The following TLL1 variants were observed in gnomAD, a reference collection of about 807,000 sequenced individuals.
TLL1 encodes the protein tolloid-like protein 1.
A neutral mutation model predicts 128.2 loss-of-function variants in TLL1; 49 were observed. That is an observed-to-expected ratio of 0.38 (90% CI 0.30 to 0.48). The LOEUF (loss-of-function observed/expected upper bound fraction) is 0.48. Ranked by LOEUF, TLL1 falls within the 20% of genes least tolerant of loss-of-function variation. The pLI is 0.96. For missense variants in TLL1, 1,123 were observed against 1,242.0 expected (o/e 0.90, Z 1.44); for synonymous variants, 454 against 418.8 (o/e 1.08, Z -1.03).
rs148517358 is a variant in TLL1, at chr4:165,988,583, C to T, written c.170-798C>T. Among the ~76,000 whole-genome samples the T allele has an allele frequency of 2.2e-3, 336 of 152,092 alleles. 1 individual carries two copies. Among genetic ancestry groups the T allele is most frequent in the African/African-American group, 7.0e-3 (289 of 41,518 alleles). ...GGTTCAGGTTAAGTCTACAGTGAGCCGTGATCGCACCACTGCACTCCAGCC... is the reference window on the plus strand; with the variant it reads ...GGTTCAGGTTAAGTCTACAGTGAGCTGTGATCGCACCACTGCACTCCAGCC... On this transcript the variant is annotated intron_variant, in intron 1 of 20. Coordinates refer to ENST00000061240, the MANE Select transcript of TLL1 (RefSeq NM_012464.5).
chr4:165,953,627 CAT>C lies in TLL1; in HGVS notation c.170-35734_170-35733del, dbSNP rs55874624. ...GAGATAGGTCATCTATTTGCTCTGT[CAT>C]ATATATATATATATATATAAATATT... On this transcript the variant is annotated intron_variant, in intron 1 of 20. Coordinates refer to ENST00000061240, the MANE Select transcript of TLL1 (RefSeq NM_012464.5). Among the ~76,000 whole-genome samples the C allele has an allele frequency of 7.3e-3, 1,076 of 146,554 alleles. 9 individuals are homozygous for C. The highest frequency in any genetic ancestry group is 0.022 in the African/African-American group (897 of 40,246).
chr4:166,084,248 T>C (rs776536176), intron 18 of TLL1, among the ~76,000 whole-genome samples: 7 of 152,096 alleles, frequency 4.6e-5, no homozygotes, highest in Non-Finnish European at 7.4e-5. Context: ...TCCTTGTTAT[T>C]GAGTTGTTTG....
chr4:165,976,975 A>G (rs1735913210), intron 1 of TLL1, among the ~76,000 whole-genome samples: 1 of 152,170 alleles, frequency 6.6e-6, no homozygotes, highest in African/African-American at 2.4e-5. Flanking sequence ...TGTGTGACCC[A>G]AGACAGTTCT....
chr4:166,011,221 G>T lies in TLL1; in HGVS notation c.917+3173G>T, dbSNP rs112921895. ...AAATGTTGGGATTCTGATAGAAATT[G>T]CATTGAATCTGTAGATCACTTTGGA... is the stretch of plus-strand genomic sequence containing the variant. On this transcript the variant is annotated intron_variant, in intron 7 of 20. Coordinates refer to ENST00000061240, the MANE Select transcript of TLL1 (RefSeq NM_012464.5). Among the ~76,000 whole-genome samples the T allele has an allele frequency of 5.0e-3, 755 of 151,478 alleles. 8 individuals are homozygous for T. The highest frequency in any genetic ancestry group is 0.017 in the African/African-American group (690 of 41,480).
chr4:166,043,284 A>G lies in TLL1; in HGVS notation c.1389A>G (p.Gly463=). The change falls in exon 12 of 21, where the codon GGA becomes GGG. Residue 463 remains glycine (G), a synonymous_variant. Coordinates refer to ENST00000061240, the MANE Select transcript of TLL1 (RefSeq NM_012464.5). ...GFAAVYEAIC[G]GEIRKNEGQI... ...TTTGGCTTTCTTCAGCGATCTGTGG[A>G]GGTGAGATACGTAAAAATGAAGGAC... 1 of 1,614,094 alleles carries G rather than the reference A, an allele frequency of 6.2e-7. No homozygotes were observed. The highest frequency in any genetic ancestry group is 8.5e-7 in the Non-Finnish European group (1 of 1,179,982).
chr4:166,008,946 A>T (rs181956477), intron 7 of TLL1, among the ~76,000 whole-genome samples: 461 of 151,604 alleles, frequency 3.0e-3, no homozygotes, highest in Middle Eastern at 6.8e-3. Flanking sequence ...AAGGGTGTGT[A>T]AATGAAACCT....
chr4:165,983,865 A>G (rs772605523), intron 1 of TLL1, among the ~76,000 whole-genome samples: 8 of 151,904 alleles, frequency 5.3e-5, no homozygotes, highest in Non-Finnish European at 8.8e-5. Context: ...GGTAAAAATC[A>G]GGTTACCTAG....
At chr4:165,951,334 G>A (rs1217638674) in intron 1 of TLL1, among the ~76,000 whole-genome samples, 1 of 152,142 alleles carries the variant, frequency 6.6e-6, no homozygotes, top group African/African-American at 2.4e-5. Flanking sequence ...ATAGTGGCCA[G>A]ATGATGTCTG....
At chr4:166,039,556 T>G in intron 10 of TLL1, 115 bp downstream of exon 10, 1 of 743,342 alleles carries the variant, frequency 1.3e-6, no homozygotes, top group Non-Finnish European at 2.3e-6. Context: ...ACTAACATTA[T>G]TTTTATGTTA....
intron 18 of TLL1, among the ~76,000 whole-genome samples, chr4:166,081,360 T>C (rs1317835638): frequency 1.3e-5 from 2 of 152,194 alleles, no homozygotes; most frequent in African/African-American, 4.8e-5. Context: ...ACAATGAGGC[T>C]TCAGACTTTT....
At chr4:165,982,392 G>A (rs1279740540) in intron 1 of TLL1, among the ~76,000 whole-genome samples, 1 of 151,800 alleles carries the variant, frequency 6.6e-6, no homozygotes, top group Non-Finnish European at 1.5e-5. Context: ...ATTGTTTAAG[G>A]TCTCTAAGAC....
chr4:166,097,356 C>T (rs1009009279), intron 19 of TLL1, among the ~76,000 whole-genome samples: 1 of 152,056 alleles, frequency 6.6e-6, no homozygotes, highest in Non-Finnish European at 1.5e-5. Flanking sequence ...AATATTTCCT[C>T]ACATAAATAC....
chr4:165,923,134 C>T (rs754442551), intron 1 of TLL1, among the ~76,000 whole-genome samples: 1 of 152,078 alleles, frequency 6.6e-6, no homozygotes, highest in Non-Finnish European at 1.5e-5. Flanking sequence ...AACTTCTGCA[C>T]ATAAATAAAC....
At chr4:166,085,123 G>A (rs961124629) in intron 18 of TLL1, among the ~76,000 whole-genome samples, 1 of 151,670 alleles carries the variant, frequency 6.6e-6, no homozygotes, top group East Asian at 1.9e-4. Context: ...TTTGCCTATT[G>A]ATTTTATATC....
At chr4:165,970,568 A>G (rs1735585682) in intron 1 of TLL1, among the ~76,000 whole-genome samples, 1 of 152,222 alleles carries the variant, frequency 6.6e-6, no homozygotes, top group South Asian at 2.1e-4. Context: ...CATTTAAAAT[A>G]GACATTATTC....
intron 6 of TLL1, among the ~76,000 whole-genome samples, chr4:166,007,560 A>G (rs1231225975): frequency 6.6e-6 from 1 of 151,698 alleles, no homozygotes; most frequent in Non-Finnish European, 1.5e-5. Context: ...TATGACCTGG[A>G]AAACCTAGTC....
chr4:165,936,208 T>TA (rs1378597046), intron 1 of TLL1, among the ~76,000 whole-genome samples: 2,928 of 136,602 alleles, frequency 0.021, 98 homozygotes, highest in African/African-American at 0.078. Flanking sequence ...ATATATATAT[T>TA]TTTTTTTCTT....
At chr4:165,989,331 T>A in intron 1 of TLL1, 50 bp from the exon 2 acceptor site, 1 of 1,344,360 alleles carries the variant, frequency 7.4e-7, no homozygotes, top group Non-Finnish European at 1.1e-6. Flanking sequence ...TTTGTGTGTA[T>A]TGATTTCACG....
intron 8 of TLL1, among the ~76,000 whole-genome samples, chr4:166,022,997 A>C (rs1184719983): frequency 6.6e-6 from 1 of 152,220 alleles, no homozygotes; most frequent in Non-Finnish European, 1.5e-5. Context: ...AAGAAACACC[A>C]TTGTGAAGTT....
Sources: allele counts gnomAD v4.1 joint callset (sites outside exome capture counted in the v4.1 genomes callset), GRCh38; gene constraint gnomAD v4.1.1; transcripts MANE v1.5; gene names NCBI Gene and HGNC (gene_info 2026-07-23, HGNC 2026-07-21).